Variants in DCDC1 observed in about 807,000 individuals in gnomAD.
The protein encoded by DCDC1 is doublecortin domain-containing protein 1.
Under a neutral mutation model 178.3 loss-of-function variants are expected in DCDC1, and 200 were observed. That is an observed-to-expected ratio of 1.12 (90% CI 1.00 to 1.26). The LOEUF is 1.26. Among genes scored for constraint, DCDC1 ranks in the 50% most tolerant of loss-of-function variants. The probability of loss-of-function intolerance (pLI) is 0.00; values close to 1 mark genes in which losing one functional copy is unlikely to be tolerated. For missense variants in DCDC1, 1,983 were observed against 1,749.2 expected, an observed-to-expected ratio of 1.13 and a Z score of -2.38; for synonymous variants, 690 against 604.8, an observed-to-expected ratio of 1.14 and a Z score of -2.07.
rs974215726 is a variant in DCDC1 at position 30,865,449 on chromosome 11, T to A, written c.*41-117A>T. 6.5e-5 allele frequency: 10 copies of A among 153,284 alleles called. No homozygotes were observed. Among genetic ancestry groups the A allele is most frequent in the African/African-American group, 2.4e-4 (10 of 41,438 alleles). The allele number at this position is 153,284 out of a possible 1,614,324, so 9.5% of individuals were successfully genotyped here. On this transcript the variant is annotated intron_variant, in intron 38 of 38. Transcript: ENST00000684477. Reference sequence around the variant, plus strand: ...TATGAAGTTCAGTAGAATTTGCTATTGAAAAAATTATCAGAATAGGTGCAT... The same window carrying A: ...TATGAAGTTCAGTAGAATTTGCTATAGAAAAAATTATCAGAATAGGTGCAT...
chr11:31,103,561 G>T, intron 14 of DCDC1, 83 bp downstream of exon 14: 2 of 608,262 alleles, frequency 3.3e-6, no homozygotes, highest in East Asian at 2.7e-5. Context: ...TTAGTGTTTC[G>T]AATCTCTTAC....
intron 9 of DCDC1, among the ~76,000 whole-genome samples, chr11:31,181,424 A>T (rs1360557259): frequency 6.6e-6 from 1 of 152,142 alleles, no homozygotes; most frequent in Non-Finnish European, 1.5e-5. Flanking sequence ...TGACTGGGAG[A>T]TATCACCCAA....
At chr11:31,120,803 C>T (rs952625525) in intron 11 of DCDC1, among the ~76,000 whole-genome samples, 3 of 152,158 alleles carry the variant, frequency 2.0e-5, no homozygotes, top group Non-Finnish European at 4.4e-5. Flanking sequence ...CACCCACCTT[C>T]CTACTAGCTT....
Position 31,328,945 on chromosome 11 carries a change from C to CTTT in DCDC1, c.-6-662_-6-660dup, listed in dbSNP as rs1176942329. ...GTTACTGAAAAAGCACACCACAAGG[C>CTTT]TTTTTTTTTTTTTTTTTTTTTTTTT... On this transcript the variant is annotated intron_variant, in intron 2 of 38. Transcript: ENST00000684477. 9.2e-4 allele frequency among the ~76,000 whole-genome samples: 44 copies of CTTT among 47,796 alleles called. 8 individuals carry two copies. The highest frequency in any genetic ancestry group is 1.3e-3 in the African/African-American group (18 of 13,684). 31.4% of individuals were successfully genotyped at this position (47,796 alleles called of 152,430 possible).
At chr11:31,241,637 A>G (rs1168380799) in intron 8 of DCDC1, 21 bp from the exon 9 acceptor site, 1 of 396,744 alleles carries the variant, frequency 2.5e-6, no homozygotes, top group African/African-American at 2.1e-5. Flanking sequence ...AAAGAAGGGA[A>G]AAAAATTCTT....
intron 23 of DCDC1, 51 bp from the exon 24 acceptor site, chr11:30,922,689 A>T: frequency 7.0e-7 from 1 of 1,421,676 alleles, no homozygotes; most frequent in Non-Finnish European, 9.2e-7. Context: ...CAGCAGCATT[A>T]TCTGTAATAA....
intron 10 of DCDC1, among the ~76,000 whole-genome samples, chr11:31,136,456 T>C (rs1314681651): frequency 6.6e-6 from 1 of 152,110 alleles, no homozygotes; most frequent in Non-Finnish European, 1.5e-5. Flanking sequence ...TGGTCTCTAA[T>C]GTAAGAATAG....
At chr11:31,353,772 T>C (rs1169498228) in intron 1 of DCDC1, among the ~76,000 whole-genome samples, 1 of 152,198 alleles carries the variant, frequency 6.6e-6, no homozygotes, top group Non-Finnish European at 1.5e-5. Context: ...GTGAACTGCT[T>C]GATATGTTGA....
At chr11:30,907,745 C>T (rs1416148373) in intron 29 of DCDC1, among the ~76,000 whole-genome samples, 1 of 152,138 alleles carries the variant, frequency 6.6e-6, no homozygotes, top group Non-Finnish European at 1.5e-5. Flanking sequence ...TGACTGTAGC[C>T]ACATTAGTGA....
chr11:30,942,557 G>A (rs113338892), intron 21 of DCDC1, among the ~76,000 whole-genome samples: 361 of 152,302 alleles, frequency 2.4e-3, no homozygotes, highest in African/African-American at 8.2e-3. Flanking sequence ...TGTGATACAT[G>A]TCGATTCATA....
At chr11:30,888,082 G>GAAAGAAAGAAAGAAAAAGAA (rs35914489) in intron 36 of DCDC1, among the ~76,000 whole-genome samples, 1 of 96,306 alleles carries the variant, frequency 1.0e-5, no homozygotes, top group Non-Finnish European at 2.1e-5. Flanking sequence ...GAGAGAGAGA[G>GAAAGAAAGAAAGAAAAAGAA]AGAAAGAAAG....
chr11:31,123,940 A>G (rs2135908720), intron 11 of DCDC1, among the ~76,000 whole-genome samples: 2 of 152,248 alleles, frequency 1.3e-5, no homozygotes, highest in South Asian at 4.1e-4. Flanking sequence ...ACTAGTGGCT[A>G]CTTTACTAGA....
At chr11:30,927,177 C>T (rs1416801554) in intron 22 of DCDC1, among the ~76,000 whole-genome samples, 1 of 152,056 alleles carries the variant, frequency 6.6e-6, no homozygotes, top group East Asian at 1.9e-4. Context: ...CCGACAGCTG[C>T]CCCTTACAAT....
Position 30,922,595 on chromosome 11 carries a change from G to C in DCDC1, c.3041C>G (p.Ser1014Cys), listed in dbSNP as rs762706101. 8 of 1,585,766 alleles carry C rather than the reference G, an allele frequency of 5.0e-6. No individual in the cohort carries two copies. The highest frequency in any genetic ancestry group is 6.8e-6 in the Non-Finnish European group (8 of 1,169,862). The change falls in exon 24 of 39, where the codon TCC (serine) becomes TGC (cysteine). Residue 1014 changes from serine (S) to cysteine (C), a missense_variant. By Grantham distance (112) the Ser-to-Cys change is moderately radical. Transcript: ENST00000684477. ...TATTTGTTTCTTTTGCTGAGCAATG[G>C]ACAGGTCAGGATTGATCCAGAGTTC... ...CGELWINPDLSIAQQKKQIFL... is the reference protein window; with the variant it reads ...CGELWINPDLCIAQQKKQIFL...
intron 11 of DCDC1, among the ~76,000 whole-genome samples, chr11:31,122,930 A>T (rs559941519): frequency 6.6e-6 from 1 of 152,262 alleles, no homozygotes; most frequent in Non-Finnish European, 1.5e-5. Context: ...ACCACAGATC[A>T]ACAAACTTTT....
chr11:31,208,241 TC>T (rs370483787), intron 9 of DCDC1, among the ~76,000 whole-genome samples: 2 of 152,124 alleles, frequency 1.3e-5, no homozygotes, highest in Admixed American at 6.6e-5. Context: ...GCAAACAATC[TC>T]CCCTTCACCC....
rs28639907 is a variant in DCDC1, at chr11:31,364,669, C to T, written c.-125+5028G>A. On this transcript the variant is annotated intron_variant, in intron 1 of 38. Coordinates refer to ENST00000684477, the MANE Select transcript of DCDC1 (RefSeq NM_001387274.1). ...TGCTTAGTGTACTGCCTTGCACAAA[C>T]TCAACGAAAGTTCATCGATGATGAC... 3.1e-4 allele frequency among the ~76,000 whole-genome samples: 47 copies of T among 152,142 alleles called. 1 individual carries two copies. Among genetic ancestry groups the T allele is most frequent in the African/African-American group, 1.1e-3 (45 of 41,418 alleles).
chr11:31,028,832 C>A (rs1273699575), intron 20 of DCDC1, among the ~76,000 whole-genome samples: 1 of 151,936 alleles, frequency 6.6e-6, no homozygotes, highest in Non-Finnish European at 1.5e-5. Context: ...CTATTTAAAT[C>A]TAAAACTGTG....
intron 17 of DCDC1, among the ~76,000 whole-genome samples, chr11:31,080,903 TTAATA>T (rs1485837729): frequency 6.6e-6 from 1 of 152,230 alleles, no homozygotes; most frequent in Non-Finnish European, 1.5e-5. Flanking sequence ...CAATTGGCAA[TTAATA>T]AACTGATGTT....
Sources: gnomAD v4.1 joint callset for allele counts (sites outside exome capture counted in the v4.1 genomes callset) on GRCh38, gnomAD v4.1.1 for gene constraint, MANE v1.5 for transcripts, NCBI Gene and HGNC (gene_info 2026-07-23, HGNC 2026-07-21) for gene names.